The following GREM2 variants were observed in gnomAD, a reference collection of about 807,000 sequenced individuals.
GREM2 encodes gremlin 2, DAN family BMP antagonist.
A neutral mutation model predicts 14.2 loss-of-function variants in GREM2; 11 were observed. The observed-to-expected ratio is 0.78, with a 90% confidence interval of 0.49 to 1.28. The LOEUF (loss-of-function observed/expected upper bound fraction) is 1.28, where lower values mean the gene tolerates loss of function less well. Ranked by LOEUF, GREM2 falls within the 50% of genes most tolerant of loss-of-function variation. The pLI is 0.00. For synonymous variants in GREM2, 98 were observed against 97.6 expected, an observed-to-expected ratio of 1.00 and a Z score of -0.02; for missense variants, 210 against 218.5, an observed-to-expected ratio of 0.96 and a Z score of 0.24.
intron 1 of GREM2, among the ~76,000 whole-genome samples, chr1:240,582,403 C>A (rs1679502607): frequency 6.6e-6 from 1 of 152,080 alleles, no homozygotes; most frequent in Admixed American, 6.5e-5. Context: ...CCATTGCACT[C>A]CAGCCTGGGC....
chr1:240,604,964 T>C (rs1185856349), intron 1 of GREM2, among the ~76,000 whole-genome samples: 1 of 152,242 alleles, frequency 6.6e-6, no homozygotes, highest in Non-Finnish European at 1.5e-5. Context: ...CTGTTCCTCT[T>C]CCTTATTTAA....
chr1:240,566,053 T>C (rs1373454966), intron 1 of GREM2, among the ~76,000 whole-genome samples: 1 of 152,246 alleles, frequency 6.6e-6, no homozygotes, highest in South Asian at 2.1e-4. Context: ...AGCTTTTGTG[T>C]TTTTCTTTGA....
At chr1:240,550,434 C>G (rs995585141) in intron 1 of GREM2, 2 of 149,612 alleles carry the variant, frequency 1.3e-5, no homozygotes, top group Non-Finnish European at 3.0e-5. Flanking sequence ...CAAACAAACT[C>G]CTGGCACAAT....
At chr1:240,570,969 C>A (rs1320323311) in intron 1 of GREM2, among the ~76,000 whole-genome samples, 4 of 152,130 alleles carry the variant, frequency 2.6e-5, no homozygotes, top group Non-Finnish European at 5.9e-5. Context: ...ACTGGCATAT[C>A]CAGGTTAAAT....
intron 1 of GREM2, among the ~76,000 whole-genome samples, chr1:240,598,331 G>C (rs1022017865): frequency 1.3e-5 from 2 of 152,170 alleles, no homozygotes; most frequent in African/African-American, 4.8e-5. Flanking sequence ...GTCTGAAGTT[G>C]TGGGATTTTG....
chr1:240,544,752 C>A (rs1678679866), intron 1 of GREM2, among the ~76,000 whole-genome samples: 1 of 152,092 alleles, frequency 6.6e-6, no homozygotes, highest in African/African-American at 2.4e-5. Flanking sequence ...ATCTTGACTG[C>A]TACTACTCTG....
intron 1 of GREM2, among the ~76,000 whole-genome samples, chr1:240,571,971 G>A (rs114886567): frequency 2.0e-5 from 3 of 152,208 alleles, no homozygotes; most frequent in Non-Finnish European, 2.9e-5. Context: ...AGCCACCTAC[G>A]TCAGCATGAC....
In GREM2 at chr1:240,490,055, T is replaced by C. The variant is rs1677212228; in HGVS notation, c.*2914A>G. On this transcript the variant is annotated 3_prime_UTR_variant, in exon 2 of 2. Transcript: ENST00000318160. ...AATGGAGATGCTATAAACTAAGAAATATTTAAATTAAGAAATGTTGGAACT... is the reference window on the plus strand; with the variant it reads ...AATGGAGATGCTATAAACTAAGAAACATTTAAATTAAGAAATGTTGGAACT... 1 of 152,192 alleles carries C rather than the reference T, an allele frequency of 6.6e-6. No individual in the cohort carries two copies. Among genetic ancestry groups the C allele is most frequent in the Non-Finnish European group, 1.5e-5 (1 of 68,042 alleles). The allele number at this position is 152,192 out of a possible 1,614,324, so 9.4% of individuals were successfully genotyped here. A position where few individuals can be genotyped will look rare whatever the true frequency, so the allele number is the denominator to read the frequency against.
At chr1:240,507,831 G>A (rs930038184) in intron 1 of GREM2, among the ~76,000 whole-genome samples, 1 of 152,104 alleles carries the variant, frequency 6.6e-6, no homozygotes, top group Non-Finnish European at 1.5e-5. Flanking sequence ...AGGAAGAAGT[G>A]AAGACGATGT....
intron 1 of GREM2, among the ~76,000 whole-genome samples, chr1:240,518,685 C>T (rs1448006494): frequency 6.6e-6 from 1 of 152,176 alleles, no homozygotes; most frequent in Non-Finnish European, 1.5e-5. Flanking sequence ...CATTCAGAAA[C>T]ATCCACCTCA....
At chr1:240,551,677 T>C (rs1454521242) in intron 1 of GREM2, among the ~76,000 whole-genome samples, 1 of 152,064 alleles carries the variant, frequency 6.6e-6, no homozygotes, top group African/African-American at 2.4e-5. Flanking sequence ...AAATGAACTA[T>C]TGAATGAGGT....
chr1:240,584,558 G>T (rs943056451), intron 1 of GREM2, among the ~76,000 whole-genome samples: 11 of 151,086 alleles, frequency 7.3e-5, no homozygotes, highest in Non-Finnish European at 8.8e-5. Flanking sequence ...AAAAAAATTA[G>T]CTGGGCATAG....
chr1:240,577,814 T>C (rs970113478), intron 1 of GREM2, among the ~76,000 whole-genome samples: 2 of 152,244 alleles, frequency 1.3e-5, no homozygotes, highest in African/African-American at 4.8e-5. Flanking sequence ...TGTAGGTTTA[T>C]GGAAATTCAC....
intron 1 of GREM2, among the ~76,000 whole-genome samples, chr1:240,554,413 A>G (rs1020111161): frequency 3.5e-5 from 5 of 141,336 alleles, no homozygotes; most frequent in Admixed American, 1.4e-4. Context: ...CTCCGTCTCG[A>G]AAAAAAAAAA....
At chr1:240,575,901 GAAAA>G (rs200904291) in intron 1 of GREM2, among the ~76,000 whole-genome samples, 1 of 130,498 alleles carries the variant, frequency 7.7e-6, no homozygotes, top group African/African-American at 2.7e-5. Context: ...TGCTCTGCTG[GAAAA>G]AAAAAAAAAA....
intron 1 of GREM2, among the ~76,000 whole-genome samples, chr1:240,502,460 A>T (rs1304588731): frequency 1.3e-5 from 2 of 151,952 alleles, no homozygotes; most frequent in South Asian, 2.1e-4. Flanking sequence ...TTCCCCAAGA[A>T]TTTTTTCCAT....
chr1:240,561,500 AAAG>A (rs1256662955), intron 1 of GREM2, among the ~76,000 whole-genome samples: 14 of 152,184 alleles, frequency 9.2e-5, no homozygotes, highest in African/African-American at 2.4e-4. Flanking sequence ...ATTCAGTTAA[AAAG>A]AAGAAGACCT....
chr1:240,548,107 TA>T (rs72226155), intron 1 of GREM2, among the ~76,000 whole-genome samples: 65,329 of 137,386 alleles, frequency 0.48, 15,063 homozygotes, highest in African/African-American at 0.61. Context: ...ACTAAAAATT[TA>T]AAAAAAAAAA....
intron 1 of GREM2, among the ~76,000 whole-genome samples, chr1:240,545,891 C>G (rs1231638913): frequency 6.6e-6 from 1 of 151,994 alleles, no homozygotes; most frequent in African/African-American, 2.4e-5. Context: ...TAAAATGAAA[C>G]AAAAAACCTA....
Sources: gnomAD v4.1 joint callset for allele counts (sites outside exome capture counted in the v4.1 genomes callset) on GRCh38, gnomAD v4.1.1 for gene constraint, MANE v1.5 for transcripts, NCBI Gene and HGNC (gene_info 2026-07-23, HGNC 2026-07-21) for gene names.